Variants in TRPC4 observed in about 807,000 individuals in gnomAD.
TRPC4 encodes transient receptor potential cation channel subfamily C member 4, also known as short transient receptor potential channel 4.
In TRPC4, 49 loss-of-function variants were observed where a neutral mutation model predicts 99.4. The observed-to-expected ratio is 0.49, with a 90% confidence interval of 0.39 to 0.63. The LOEUF is 0.63. TRPC4 is among the 20% of genes least tolerant of loss of function. TRPC4 has a pLI of 0.00. For synonymous variants in TRPC4, 454 were observed against 425.9 expected, an observed-to-expected ratio of 1.07 and a Z score of -0.81; for missense variants, 898 against 1,152.9, an observed-to-expected ratio of 0.78 and a Z score of 3.20.
chr13:37,831,193 AAAAC>A (rs2088564948), intron 1 of TRPC4, among the ~76,000 whole-genome samples: 1 of 152,114 alleles, frequency 6.6e-6, no homozygotes, highest in South Asian at 2.1e-4. Context: ...CAATAATAGG[AAAAC>A]AAACAACCCT....
Position 37,783,049 on chromosome 13 carries a change from A to G in TRPC4, c.285T>C (p.Tyr95=). Residue 95 remains tyrosine, a synonymous_variant, in exon 2 of 11, where the codon TAT becomes TAC. Coordinates refer to ENST00000379705, the MANE Select transcript of TRPC4 (RefSeq NM_016179.4). The part of the protein sequence containing the change: ...LIELLLSFNV[Y]VGDALLHAIR... The stretch of plus-strand genomic sequence containing the variant: ...TAGCATGTAATAGAGCATCTCCAAC[A>G]TAGACATTAAAGCTTAAGAGTAGTT... 6.2e-7 allele frequency: 1 copy of G among 1,613,238 alleles called. No homozygotes were observed. Among genetic ancestry groups the G allele is most frequent in the South Asian group, 1.1e-5 (1 of 91,042 alleles).
chr13:37,827,792 GGC>G (rs1353174112), intron 1 of TRPC4, among the ~76,000 whole-genome samples: 1 of 152,220 alleles, frequency 6.6e-6, no homozygotes, highest in African/African-American at 2.4e-5. Context: ...AGCTGTGGTG[GGC>G]TCCACCCAGT....
intron 3 of TRPC4, among the ~76,000 whole-genome samples, chr13:37,707,869 A>G (rs1307668958): frequency 6.6e-6 from 1 of 152,140 alleles, no homozygotes; most frequent in East Asian, 1.9e-4. Context: ...TTTCATTTTC[A>G]CTTAAGAAAT....
chr13:37,751,246 C>T (rs1955925079), intron 2 of TRPC4, among the ~76,000 whole-genome samples: 1 of 152,068 alleles, frequency 6.6e-6, no homozygotes. Flanking sequence ...TTTACAGTGG[C>T]GGGAACATTC....
chr13:37,826,874 A>G (rs1179638534), intron 1 of TRPC4, among the ~76,000 whole-genome samples: 2 of 152,156 alleles, frequency 1.3e-5, no homozygotes, highest in Admixed American at 6.5e-5. Flanking sequence ...GTGTTTTCCA[A>G]CTTGGTTCCA....
intron 2 of TRPC4, among the ~76,000 whole-genome samples, chr13:37,761,633 G>A (rs1956223644): frequency 6.6e-6 from 1 of 151,928 alleles, no homozygotes; most frequent in Non-Finnish European, 1.5e-5. Context: ...CCATAGGGCT[G>A]TGGTGAAGAT....
At chr13:37,695,492 T>TTC (rs1191266253) in intron 3 of TRPC4, among the ~76,000 whole-genome samples, 1 of 152,170 alleles carries the variant, frequency 6.6e-6, no homozygotes, top group East Asian at 1.9e-4. Context: ...TTCCGCACCA[T>TTC]TCCAGGACTG....
intron 4 of TRPC4, among the ~76,000 whole-genome samples, chr13:37,687,357 G>C (rs1040542652): frequency 1.3e-5 from 2 of 152,120 alleles, no homozygotes; most frequent in African/African-American, 4.8e-5. Flanking sequence ...TTTTACAGAT[G>C]TCCATACTTT....
intron 1 of TRPC4, among the ~76,000 whole-genome samples, chr13:37,867,695 A>G (rs1418565371): frequency 6.6e-6 from 1 of 152,132 alleles, no homozygotes; most frequent in African/African-American, 2.4e-5. Flanking sequence ...TGAAGTTTAT[A>G]ACAACATCTA....
In TRPC4 at chr13:37,866,854, G is replaced by GGGGT. The variant is rs556365024; in HGVS notation, c.-28+2740_-28+2741insACCC. On this transcript the variant is annotated intron_variant, in intron 1 of 10. Transcript: ENST00000379705. ...TTAATGTTTATTTTTTGTGGGGGGG[G>GGGGT]GCGGGTATAGGGTATAAATTAGGTG... Among the ~76,000 whole-genome samples the GGGGT allele has an allele frequency of 1.7e-4, 19 of 111,946 alleles. No individual in the cohort carries two copies. The East Asian group carries it at 2.0e-3, about 12-fold the overall frequency. 73.4% of individuals were successfully genotyped at this position (111,946 alleles called of 152,430 possible).
At position 37,636,934 on chromosome 13, in the gene TRPC4, G is replaced by T; in HGVS notation, c.2903C>A (p.Thr968Asn). The T allele has an allele frequency of 6.2e-7, 1 of 1,612,750 alleles. No homozygotes were observed. Among genetic ancestry groups the T allele is most frequent in the Non-Finnish European group, 8.5e-7 (1 of 1,179,272 alleles). The change falls in exon 11 of 11, where the codon ACC becomes AAC. Residue 968 changes from threonine (T) to asparagine (N), a missense_variant. This residue lies in a region of TRPC4 where 346 missense variants were observed against 351.4 expected (regional missense o/e 0.98). Coordinates refer to ENST00000379705, the MANE Select transcript of TRPC4 (RefSeq NM_016179.4). ...TCTTGTGGTCACGTAATCTTCGTGG[G>T]TGACTGTGTCTGGGAGGTTTAGATC... ...DYDLNLPDTVTHEDYVTTRL is the reference protein window; with the variant it reads ...DYDLNLPDTVNHEDYVTTRL
intron 1 of TRPC4, among the ~76,000 whole-genome samples, chr13:37,842,148 T>C (rs1360010979): frequency 2.0e-5 from 3 of 150,844 alleles, no homozygotes; most frequent in Non-Finnish European, 4.4e-5. Flanking sequence ...CATACACCTG[T>C]AATCCCAGAT....
intron 2 of TRPC4, among the ~76,000 whole-genome samples, chr13:37,768,207 G>A (rs572032173): frequency 4.6e-4 from 69 of 151,526 alleles, no homozygotes; most frequent in African/African-American, 1.6e-3. Flanking sequence ...TAGTCTTCAG[G>A]TTTAAAAATA....
At chr13:37,716,139 A>G (rs9532108) in intron 3 of TRPC4, among the ~76,000 whole-genome samples, 64,962 of 151,996 alleles carry the variant, frequency 0.43, 14,208 homozygotes, top group Middle Eastern at 0.54. Flanking sequence ...ATCAAAAGCC[A>G]AGAGAAAATA....
At chr13:37,644,523 G>A (rs1263939047) in intron 8 of TRPC4, among the ~76,000 whole-genome samples, 1 of 152,074 alleles carries the variant, frequency 6.6e-6, no homozygotes, top group Non-Finnish European at 1.5e-5. Context: ...CCTGTGTTAG[G>A]AATAAAGGAT....
At chr13:37,694,289 G>C (rs999460751) in intron 3 of TRPC4, among the ~76,000 whole-genome samples, 2 of 152,172 alleles carry the variant, frequency 1.3e-5, no homozygotes. Flanking sequence ...CATCTTATCA[G>C]TAGTCACACA....
chr13:37,701,891 G>T (rs1954113774), intron 3 of TRPC4, among the ~76,000 whole-genome samples: 1 of 152,096 alleles, frequency 6.6e-6, no homozygotes, highest in Non-Finnish European at 1.5e-5. Context: ...TTTGCTCATT[G>T]TGTTAGTTCC....
chr13:37,851,647 A>G (rs1959061751), intron 1 of TRPC4, among the ~76,000 whole-genome samples: 1 of 152,240 alleles, frequency 6.6e-6, no homozygotes, highest in Admixed American at 6.5e-5. Flanking sequence ...AATTATCTGC[A>G]CACAGAAAAG....
At position 37,692,138 on chromosome 13, in the gene TRPC4, CT is replaced by C; in HGVS notation, c.1094del (p.Lys365SerfsTer10). The C allele has an allele frequency of 6.2e-7, 1 of 1,614,124 alleles. No individual in the cohort carries two copies. Among genetic ancestry groups the C allele is most frequent in the Non-Finnish European group, 8.5e-7 (1 of 1,180,014 alleles). ...AATAGGAGGCTGTGTGGCAGATAAA[CT>C]TGATAAATGGCTTCCTGATGAACAG... ...LGLFIRKPFI[K>X]FICHTASYLT... On this transcript the variant is annotated frameshift_variant, in exon 4 of 11. Coordinates refer to ENST00000379705, the MANE Select transcript of TRPC4 (RefSeq NM_016179.4). LOFTEE classifies it high-confidence loss of function.
Sources: gnomAD v4.1 joint callset for allele counts (sites outside exome capture counted in the v4.1 genomes callset) on GRCh38, gnomAD v4.1.1 for gene constraint, gnomAD v4.1.1 regional missense constraint, MANE v1.5 for transcripts, NCBI Gene and HGNC (gene_info 2026-07-23, HGNC 2026-07-21) for gene names.